Variants in ESRRG observed in about 807,000 individuals in gnomAD.
ESRRG encodes the protein estrogen-related receptor gamma.
In ESRRG, 13 loss-of-function variants were observed where a neutral mutation model predicts 44.0. That is an observed-to-expected ratio of 0.30 (90% CI 0.19 to 0.47). The LOEUF (loss-of-function observed/expected upper bound fraction) is 0.47. ESRRG is among the 20% of genes least tolerant of loss of function. The pLI, the probability that ESRRG is intolerant of heterozygous loss-of-function variation, is 1.00. For synonymous variants in ESRRG, 215 were observed against 214.6 expected (o/e 1.00, Z -0.02); for missense variants, 395 against 580.6 (o/e 0.68, Z 3.29).
intron 2 of ESRRG, among the ~76,000 whole-genome samples, chr1:216,752,424 A>C (rs2092109187): frequency 6.6e-6 from 1 of 152,166 alleles, no homozygotes; most frequent in African/African-American, 2.4e-5. Flanking sequence ...TAAAGAACAA[A>C]AAATAAAAGT....
At chr1:216,759,405 C>T (rs892942811) in intron 2 of ESRRG, among the ~76,000 whole-genome samples, 8 of 152,042 alleles carry the variant, frequency 5.3e-5, no homozygotes, top group South Asian at 4.1e-4. Flanking sequence ...CCCTGTGTAC[C>T]CCAGCAAACC....
At chr1:217,091,739 G>A (rs1461320098), upstream of ESRRG, among the ~76,000 whole-genome samples, 1 of 152,162 alleles carries the variant, frequency 6.6e-6, no homozygotes, top group African/African-American at 2.4e-5. Flanking sequence ...AGGCATAGAT[G>A]TTTCCAAAGA....
intron 2 of ESRRG, among the ~76,000 whole-genome samples, chr1:216,783,183 GT>G (rs2093997762): frequency 6.6e-6 from 1 of 151,846 alleles, no homozygotes; most frequent in Admixed American, 6.6e-5. Context: ...TATTTCCTTG[GT>G]TTACCTGGTC....
intron 2 of ESRRG, among the ~76,000 whole-genome samples, chr1:216,884,641 T>C (rs2096492037): frequency 6.6e-6 from 1 of 152,174 alleles, no homozygotes; most frequent in Admixed American, 6.5e-5. Context: ...TTTCCTCTAG[T>C]CTAGGACAAG....
At chr1:216,554,343 A>G (rs1023434485) in intron 5 of ESRRG, among the ~76,000 whole-genome samples, 6 of 151,648 alleles carry the variant, frequency 4.0e-5, no homozygotes, top group African/African-American at 1.5e-4. Flanking sequence ...AATCCCAGCT[A>G]CTCTGCAGGC....
chr1:216,578,611 G>A (rs563608415), intron 3 of ESRRG, among the ~76,000 whole-genome samples: 2 of 152,074 alleles, frequency 1.3e-5, no homozygotes, highest in Admixed American at 1.3e-4. Flanking sequence ...GAAATCAAGA[G>A]AATACAGTGG....
intron 2 of ESRRG, among the ~76,000 whole-genome samples, chr1:216,666,784 G>C (rs2074027682): frequency 6.6e-6 from 1 of 152,144 alleles, no homozygotes; most frequent in African/African-American, 2.4e-5. Context: ...AAAGTCAATG[G>C]CATTTTTATA....
At chr1:216,974,895 C>A (rs1259412419) in intron 1 of ESRRG, among the ~76,000 whole-genome samples, 3 of 146,236 alleles carry the variant, frequency 2.1e-5, no homozygotes, top group South Asian at 2.2e-4. Flanking sequence ...TTTTAATTTT[C>A]TTTCAGAATT....
intron 1 of ESRRG, among the ~76,000 whole-genome samples, chr1:216,696,082 T>C: frequency 6.6e-6 from 1 of 152,204 alleles, no homozygotes; most frequent in East Asian, 1.9e-4. Flanking sequence ...AATACTGATA[T>C]AATTTTATAT....
At chr1:217,020,277 T>C (rs771247463) in intron 1 of ESRRG, among the ~76,000 whole-genome samples, 24 of 152,088 alleles carry the variant, frequency 1.6e-4, no homozygotes, top group African/African-American at 1.4e-4. Context: ...CCCAGTAAAA[T>C]ATGACAAATT....
At chr1:216,793,635 C>T (rs946994658) in intron 2 of ESRRG, among the ~76,000 whole-genome samples, 2 of 152,166 alleles carry the variant, frequency 1.3e-5, no homozygotes, top group African/African-American at 2.4e-5. Flanking sequence ...AATTAAGTTA[C>T]TCCCAGGTTC....
chr1:216,934,480 G>T (rs1021141969), intron 2 of ESRRG, among the ~76,000 whole-genome samples: 2 of 151,840 alleles, frequency 1.3e-5, no homozygotes, highest in African/African-American at 4.8e-5. Context: ...TGAAGAAAAG[G>T]TTTAATGGAC....
chr1:216,576,272 T>A (rs928413316), intron 3 of ESRRG, among the ~76,000 whole-genome samples: 1 of 151,264 alleles, frequency 6.6e-6, no homozygotes, highest in African/African-American at 2.4e-5. Flanking sequence ...GGAAACATTA[T>A]AAGGTCTGAT....
intron 2 of ESRRG, among the ~76,000 whole-genome samples, chr1:216,767,518 A>G (rs2093143994): frequency 6.6e-6 from 1 of 152,114 alleles, no homozygotes; most frequent in African/African-American, 2.4e-5. Flanking sequence ...GATGTCTGTA[A>G]TTTTCAATAT....
At chr1:216,557,061 C>G (rs1458921639) in intron 5 of ESRRG, among the ~76,000 whole-genome samples, 1 of 152,172 alleles carries the variant, frequency 6.6e-6, no homozygotes, top group African/African-American at 2.4e-5. Flanking sequence ...GAGTCAGAGA[C>G]AGGGAGCATC....
chr1:216,906,538 C>T (rs1472667910), intron 2 of ESRRG, among the ~76,000 whole-genome samples: 1 of 152,172 alleles, frequency 6.6e-6, no homozygotes, highest in African/African-American at 2.4e-5. Context: ...ACTCTCCCTC[C>T]TACTTCCCTC....
At chr1:217,079,669 T>C (rs755845311) in intron 1 of ESRRG, among the ~76,000 whole-genome samples, 14 of 152,208 alleles carry the variant, frequency 9.2e-5, no homozygotes, top group Non-Finnish European at 1.6e-4. Context: ...ATGGAGACAC[T>C]ATAACTACCA....
At chr1:216,965,511 AC>A (rs2070126350) in intron 1 of ESRRG, among the ~76,000 whole-genome samples, 1 of 152,112 alleles carries the variant, frequency 6.6e-6, no homozygotes, top group African/African-American at 2.4e-5. Flanking sequence ...CTGTGGCTGG[AC>A]CCTTCTCCAT....
At chr1:216,982,096 G>C (rs2074067388) in intron 1 of ESRRG, among the ~76,000 whole-genome samples, 1 of 152,078 alleles carries the variant, frequency 6.6e-6, no homozygotes, top group South Asian at 2.1e-4. Flanking sequence ...TCCCCAAAAT[G>C]CCAGGACTAT....
Sources: allele counts gnomAD v4.1 joint callset (sites outside exome capture counted in the v4.1 genomes callset), GRCh38; gene constraint gnomAD v4.1.1; transcripts MANE v1.5; gene names NCBI Gene and HGNC (gene_info 2026-07-23, HGNC 2026-07-21).